CEP112: variants seen among roughly 807,000 people sequenced by gnomAD.
CEP112 encodes the protein centrosomal protein of 112 kDa.
Under a neutral mutation model 153.0 loss-of-function variants are expected in CEP112, and 127 were observed. That is an observed-to-expected ratio of 0.83 (90% CI 0.72 to 0.96). The LOEUF (loss-of-function observed/expected upper bound fraction) is 0.96, where lower values mean the gene tolerates loss of function less well. Ranked by LOEUF, CEP112 falls within the 40% of genes least tolerant of loss-of-function variation. CEP112 has a pLI of 0.00. For synonymous variants in CEP112, 358 were observed against 374.4 expected (o/e 0.96, Z 0.51); for missense variants, 1,089 against 1,101.2 (o/e 0.99, Z 0.16).
chr17:66,050,373 C>A (rs2066387917), intron 12 of CEP112, among the ~76,000 whole-genome samples: 1 of 152,084 alleles, frequency 6.6e-6, no homozygotes, highest in South Asian at 2.1e-4. Context: ...CTCAAGGACT[C>A]CCAGGGATCT....
At chr17:66,025,948 C>CACACACACACACACAT (rs1056546431) in intron 16 of CEP112, among the ~76,000 whole-genome samples, 2 of 118,196 alleles carry the variant, frequency 1.7e-5, no homozygotes, top group East Asian at 2.0e-4. Flanking sequence ...CACACACACA[C>CACACACACACACACAT]ATATATAGAT....
chr17:65,690,425 C>CAAAAAAAAAAAA (rs67648497), intron 23 of CEP112, among the ~76,000 whole-genome samples: 1 of 76,702 alleles, frequency 1.3e-5, no homozygotes, highest in African/African-American at 5.1e-5. Context: ...GACCCTGTCT[C>CAAAAAAAAAAAA]AAAAAAAAAA....
At chr17:65,946,721 A>T (rs1362666) in intron 18 of CEP112, among the ~76,000 whole-genome samples, 75,313 of 151,726 alleles carry the variant, frequency 0.5, 19,499 homozygotes, top group East Asian at 0.89. Flanking sequence ...TTGATTTTTT[A>T]AAATTTTTTT....
chr17:65,937,633 C>T (rs1230960112), intron 18 of CEP112, among the ~76,000 whole-genome samples: 2 of 99,336 alleles, frequency 2.0e-5, no homozygotes, highest in African/African-American at 3.4e-5. Context: ...GTCAGCCCCC[C>T]GCCCGGCCAG....
intron 24 of CEP112, among the ~76,000 whole-genome samples, chr17:65,686,413 C>T (rs1567862679): frequency 6.6e-6 from 1 of 152,194 alleles, no homozygotes; most frequent in Non-Finnish European, 1.5e-5. Flanking sequence ...AATTTCCCTA[C>T]TCTCAATATA....
At chr17:65,938,911 A>T (rs2144434887) in intron 18 of CEP112, among the ~76,000 whole-genome samples, 1 of 152,210 alleles carries the variant, frequency 6.6e-6, no homozygotes, top group Admixed American at 6.5e-5. Context: ...TCCCAGGTTC[A>T]AGCAATTCTC....
intron 16 of CEP112, among the ~76,000 whole-genome samples, chr17:66,022,101 G>C (rs2065021867): frequency 6.6e-6 from 1 of 152,010 alleles, no homozygotes; most frequent in Non-Finnish European, 1.5e-5. Flanking sequence ...TTACCTTCCA[G>C]GTACACCACT....
intron 20 of CEP112, among the ~76,000 whole-genome samples, chr17:65,884,843 G>A: frequency 6.6e-6 from 1 of 150,790 alleles, no homozygotes; most frequent in Non-Finnish European, 1.5e-5. Context: ...TCAGCCTCCT[G>A]AGTAGCTGGG....
chr17:65,961,940 G>A (rs985159949), intron 17 of CEP112, among the ~76,000 whole-genome samples: 3 of 152,196 alleles, frequency 2.0e-5, no homozygotes, highest in Non-Finnish European at 4.4e-5. Context: ...AAGGAATGAA[G>A]TTCTGATACC....
At chr17:66,187,329 C>T (rs1160128082) in intron 1 of CEP112, among the ~76,000 whole-genome samples, 1 of 152,174 alleles carries the variant, frequency 6.6e-6, no homozygotes, top group African/African-American at 2.4e-5. Flanking sequence ...TTACTTTCTC[C>T]ACTTCATCAA....
intron 3 of CEP112, among the ~76,000 whole-genome samples, chr17:66,175,452 C>T (rs2072432450): frequency 6.6e-6 from 1 of 152,064 alleles, no homozygotes; most frequent in South Asian, 2.1e-4. Context: ...AACAGAAGTA[C>T]ATAACAGATA....
chr17:65,772,575 TACACACACACACAC>T (rs34758953), intron 21 of CEP112, among the ~76,000 whole-genome samples: 92 of 133,488 alleles, frequency 6.9e-4, no homozygotes, highest in African/African-American at 2.5e-3. Context: ...CTCTATTTAT[TACACACACACACAC>T]ACACACACAC....
At chr17:66,130,273 CT>C (rs2070075570) in intron 5 of CEP112, among the ~76,000 whole-genome samples, 1 of 151,736 alleles carries the variant, frequency 6.6e-6, no homozygotes, top group Non-Finnish European at 1.5e-5. Flanking sequence ...TCTTTAAGTT[CT>C]TTTACAAAAA....
chr17:65,859,439 C>CAAAAAAAA (rs57675567), intron 20 of CEP112, among the ~76,000 whole-genome samples: 1 of 93,670 alleles, frequency 1.1e-5, no homozygotes, highest in Non-Finnish European at 2.2e-5. Context: ...GACTCCATCT[C>CAAAAAAAA]AAAAAAAAAA....
intron 24 of CEP112, among the ~76,000 whole-genome samples, chr17:65,686,516 GC>G (rs1292480490): frequency 6.6e-6 from 1 of 152,122 alleles, no homozygotes; most frequent in Non-Finnish European, 1.5e-5. Context: ...AACTAGAGAA[GC>G]CCCAGTCCTC....
At chr17:65,785,363 C>T (rs542107968) in intron 21 of CEP112, among the ~76,000 whole-genome samples, 1 of 152,292 alleles carries the variant, frequency 6.6e-6, no homozygotes, top group South Asian at 2.1e-4. Flanking sequence ...CATGTGGTAA[C>T]TATGTTTAGC....
intron 8 of CEP112, among the ~76,000 whole-genome samples, chr17:66,089,821 T>G (rs949097095): frequency 2.6e-5 from 4 of 152,048 alleles, no homozygotes; most frequent in Non-Finnish European, 4.4e-5. Context: ...TATATCCTGG[T>G]ACAAAAAGGT....
At chr17:65,781,011 T>A (rs1288420696) in intron 21 of CEP112, among the ~76,000 whole-genome samples, 79 of 152,266 alleles carry the variant, frequency 5.2e-4, no homozygotes, top group Non-Finnish European at 2.1e-4. Flanking sequence ...TAAGCTATGC[T>A]ATGTCAGATT....
At chr17:65,673,076 C>A (rs1043568509) in intron 24 of CEP112, among the ~76,000 whole-genome samples, 17 of 152,272 alleles carry the variant, frequency 1.1e-4, no homozygotes, top group Non-Finnish European at 2.2e-4. Flanking sequence ...ATCACAAGGT[C>A]AAAATCAAGG....
Sources: gnomAD v4.1 joint callset for allele counts (sites outside exome capture counted in the v4.1 genomes callset) on GRCh38, gnomAD v4.1.1 for gene constraint, MANE v1.5 for transcripts, NCBI Gene and HGNC (gene_info 2026-07-23, HGNC 2026-07-21) for gene names.